LRP1B: variants seen among roughly 807,000 people sequenced by gnomAD.
LRP1B encodes the protein low-density lipoprotein receptor-related protein 1B.
In LRP1B, 217 loss-of-function variants were observed where a neutral mutation model predicts 556.6. The ratio of observed to expected loss-of-function variants is 0.39; its 90% CI spans 0.35 to 0.44. LRP1B has a LOEUF of 0.44. LRP1B is among the 20% of genes least tolerant of loss of function. The probability of loss-of-function intolerance (pLI) is 1.00; values close to 1 mark genes in which losing one functional copy is unlikely to be tolerated. For missense variants in LRP1B, 5,053 were observed against 5,620.8 expected, an observed-to-expected ratio of 0.90 and a Z score of 3.23; for synonymous variants, 2,047 against 1,865.8, an observed-to-expected ratio of 1.10 and a Z score of -2.50.
At chr2:140,689,407 T>C (rs1465095381) in intron 41 of LRP1B, among the ~76,000 whole-genome samples, 1 of 152,238 alleles carries the variant, frequency 6.6e-6, no homozygotes, top group African/African-American at 2.4e-5. Context: ...ATAAATGTTC[T>C]TCCACCACGT....
chr2:140,632,393 T>C (rs1314195372), intron 41 of LRP1B, among the ~76,000 whole-genome samples: 1 of 152,150 alleles, frequency 6.6e-6, no homozygotes, highest in Non-Finnish European at 1.5e-5. Flanking sequence ...AACTCTGTTA[T>C]AAGGAAACTG....
Position 141,645,903 on chromosome 2 carries a change from AT to A in LRP1B, c.205+164375del, listed in dbSNP as rs199719327. ...ACTTGCTAAGATTTAGTGCATTTTG[AT>A]TTAAAAAAAGTAATGAATTTCAGTC... On this transcript the variant is annotated intron_variant, in intron 2 of 90. Transcript: ENST00000389484. 8.5e-4 allele frequency among the ~76,000 whole-genome samples: 129 copies of A among 152,256 alleles called. 2 individuals carry two copies. In the East Asian group the frequency reaches 0.021, roughly 24 times the overall value.
chr2:141,471,680 C>T (rs141857648), intron 3 of LRP1B, among the ~76,000 whole-genome samples: 7 of 152,300 alleles, frequency 4.6e-5, no homozygotes, highest in African/African-American at 1.4e-4. Context: ...TCAATTACTA[C>T]ATGTGAATTC....
rs551600351 is a variant in LRP1B at position 140,951,745 on chromosome 2, G to A, written c.2968+115C>T. 3.1e-4 allele frequency: 227 copies of A among 737,532 alleles called. 1 individual carries two copies. Among genetic ancestry groups the A allele is most frequent in the Non-Finnish European group, 4.3e-4 (188 of 437,770 alleles). 45.7% of individuals were successfully genotyped at this position (737,532 alleles called of 1,614,324 possible). On this transcript the variant is annotated intron_variant, in intron 19 of 90. Transcript: ENST00000389484. ...TGCCCGCTCACCACTTGTTTTAGCCGTTTTTCTTGGCTCTGCAAGATTCCC... is the reference window on the plus strand; with the variant it reads ...TGCCCGCTCACCACTTGTTTTAGCCATTTTTCTTGGCTCTGCAAGATTCCC...
chr2:140,667,309 T>C (rs77799768), intron 41 of LRP1B, among the ~76,000 whole-genome samples: 15,850 of 152,198 alleles, frequency 0.1, 967 homozygotes, highest in East Asian at 0.25. Flanking sequence ...ACCTTTGCCT[T>C]GATACCACCC....
chr2:141,516,040 C>T (rs1684302515), intron 2 of LRP1B, among the ~76,000 whole-genome samples: 1 of 152,126 alleles, frequency 6.6e-6, no homozygotes, highest in Admixed American at 6.5e-5. Flanking sequence ...AATTCAGGGC[C>T]AGCACCTCTT....
At chr2:141,639,349 T>TATATAC (rs1262198983) in intron 2 of LRP1B, among the ~76,000 whole-genome samples, 2 of 56,096 alleles carry the variant, frequency 3.6e-5, no homozygotes, top group African/African-American at 1.3e-4. Context: ...TATATATATA[T>TATATAC]ACACACACAC....
chr2:140,480,550 C>G (rs1420601172), intron 59 of LRP1B, among the ~76,000 whole-genome samples: 1 of 151,886 alleles, frequency 6.6e-6, no homozygotes, highest in Non-Finnish European at 1.5e-5. Context: ...AAGCAATTCT[C>G]CTGCCTCAGC....
At chr2:141,978,268 C>T (rs1475477065) in intron 1 of LRP1B, among the ~76,000 whole-genome samples, 1 of 151,926 alleles carries the variant, frequency 6.6e-6, no homozygotes, top group Non-Finnish European at 1.5e-5. Context: ...TACTAAAAAA[C>T]CTAATGTGAT....
At chr2:140,518,023 A>G (rs1157005093) in intron 49 of LRP1B, among the ~76,000 whole-genome samples, 1 of 151,960 alleles carries the variant, frequency 6.6e-6, no homozygotes, top group African/African-American at 2.4e-5. Context: ...TTTATCTTTT[A>G]ACTGGGTGTC....
chr2:141,115,198 G>A (rs182067021), intron 7 of LRP1B, among the ~76,000 whole-genome samples: 32 of 150,918 alleles, frequency 2.1e-4, no homozygotes, highest in Admixed American at 2.1e-3. Context: ...ATAGTTACTC[G>A]AAGCCATATC....
At chr2:141,527,780 G>A (rs1347031486) in intron 2 of LRP1B, among the ~76,000 whole-genome samples, 1 of 152,066 alleles carries the variant, frequency 6.6e-6, no homozygotes, top group Non-Finnish European at 1.5e-5. Flanking sequence ...TTAAAAATGT[G>A]TACCTATTTT....
intron 7 of LRP1B, among the ~76,000 whole-genome samples, chr2:141,160,638 A>G (rs1023056662): frequency 1.3e-5 from 2 of 151,134 alleles, no homozygotes; most frequent in African/African-American, 4.9e-5. Flanking sequence ...GCTGACTTGG[A>G]AAAAAAAAGC....
chr2:141,452,121 T>C (rs909010833), intron 3 of LRP1B, among the ~76,000 whole-genome samples: 2 of 152,172 alleles, frequency 1.3e-5, no homozygotes, highest in Admixed American at 1.3e-4. Context: ...ATAAAAAGAA[T>C]TCACTTGGAG....
intron 41 of LRP1B, among the ~76,000 whole-genome samples, chr2:140,682,752 T>G (rs937019470): frequency 6.6e-6 from 1 of 151,322 alleles, no homozygotes; most frequent in Non-Finnish European, 1.5e-5. Flanking sequence ...GTATATAGCA[T>G]GTGAACCAAG....
At chr2:141,486,410 T>C (rs955129281) in intron 2 of LRP1B, among the ~76,000 whole-genome samples, 1 of 152,150 alleles carries the variant, frequency 6.6e-6, no homozygotes, top group Non-Finnish European at 1.5e-5. Flanking sequence ...ACTGTGTACA[T>C]TAATAGGGGA....
At chr2:140,508,291 A>G (rs1689505711) in intron 52 of LRP1B, among the ~76,000 whole-genome samples, 2 of 152,128 alleles carry the variant, frequency 1.3e-5, no homozygotes, top group Non-Finnish European at 2.9e-5. Context: ...ACATATTAGT[A>G]GGATATTTTA....
At chr2:142,044,022 AATCTTCAATAACATAT>A (rs1015636755) in intron 1 of LRP1B, among the ~76,000 whole-genome samples, 11 of 151,782 alleles carry the variant, frequency 7.2e-5, no homozygotes, top group Non-Finnish European at 1.0e-4. Flanking sequence ...CTATACTTTT[AATCTTCAATAACATAT>A]ATCTTCAATA....
At chr2:140,946,274 C>G (rs567212225) in intron 20 of LRP1B, among the ~76,000 whole-genome samples, 1 of 151,830 alleles carries the variant, frequency 6.6e-6, no homozygotes, top group South Asian at 2.1e-4. Context: ...TAGTTCAGCC[C>G]CTGTGGAAAG....
Sources: allele counts gnomAD v4.1 joint callset (sites outside exome capture counted in the v4.1 genomes callset), GRCh38; gene constraint gnomAD v4.1.1; transcripts MANE v1.5; gene names NCBI Gene and HGNC (gene_info 2026-07-23, HGNC 2026-07-21).